Variants in ZNF404 observed in about 807,000 individuals in gnomAD.
ZNF404 encodes the protein zinc finger protein 404.
Under a neutral mutation model 7.3 loss-of-function variants are expected in ZNF404, and 7 were observed. The observed-to-expected ratio is 0.95, with a 90% CI of 0.54 to 1.79. The LOEUF is 1.79. ZNF404 is among the 40% of genes most tolerant of loss of function. The pLI, the probability that ZNF404 is intolerant of heterozygous loss-of-function variation, is 0.00. For synonymous variants in ZNF404, 191 were observed against 209.9 expected (o/e 0.91, Z 0.78); for missense variants, 560 against 661.5 (o/e 0.85, Z 1.68).
At chr19:43,878,408 C>T (rs371259731) in intron 2 of ZNF404, among the ~76,000 whole-genome samples, 23 of 151,806 alleles carry the variant, frequency 1.5e-4, no homozygotes, top group African/African-American at 3.9e-4. Flanking sequence ...TCATGTCCTT[C>T]GCCCACTTTT....
At position 43,873,081 on chromosome 19, in the gene ZNF404, GTATGA is replaced by G; in HGVS notation, c.1128_1132del (p.His377TrpfsTer2). The G allele has an allele frequency of 6.2e-7, 1 of 1,612,704 alleles. No individual in the cohort carries two copies. The highest frequency in any genetic ancestry group is 1.1e-5 in the South Asian group (1 of 91,010). ...TTTACATTCATGTGGCTTCTCACCA[GTATGA>G]ATTCTCTGATGCTGTGTAAGTTGAG... On this transcript the variant is annotated frameshift_variant, in exon 3 of 3. Coordinates refer to ENST00000587539, the MANE Select transcript of ZNF404 (RefSeq NM_001033719.3). LOFTEE classifies it low-confidence loss of function (END_TRUNC).
chr19:43,877,296 A>C (rs1273140728), intron 2 of ZNF404, among the ~76,000 whole-genome samples: 1 of 152,162 alleles, frequency 6.6e-6, no homozygotes, highest in Non-Finnish European at 1.5e-5. Context: ...AAATAGAAAA[A>C]AAATTTAAAA....
intron 1 of ZNF404, among the ~76,000 whole-genome samples, chr19:43,880,526 AC>A (rs1971887328): frequency 6.6e-6 from 1 of 151,936 alleles, no homozygotes. Context: ...ATTGATAACT[AC>A]CCCCTCCCCC....
chr19:43,883,092 C>T (rs553908448), intron 1 of ZNF404, among the ~76,000 whole-genome samples: 1 of 151,864 alleles, frequency 6.6e-6, no homozygotes, highest in South Asian at 2.1e-4. Flanking sequence ...CAGAGTGAGA[C>T]TCCATCTCAA....
rs763596574 is a variant in ZNF404 at position 43,880,095 on chromosome 19, C to T, written c.51G>A (p.Gln17=). 3.7e-6 allele frequency: 6 copies of T among 1,613,428 alleles called. No homozygotes were observed. The highest frequency in any genetic ancestry group is 3.3e-5 in the Admixed American group (2 of 59,958). Residue 17 remains glutamine, a synonymous_variant, in exon 2 of 3, where the codon CAG becomes CAA. Coordinates refer to ENST00000587539, the MANE Select transcript of ZNF404 (RefSeq NM_001033719.3). ...TFSDVAIDFS[Q]EEWEYLNSDQ... ...CCGAGTTTAAATATTCCCACTCCTCCTGAGAGAAGTCTATGGCAACATCGC... is the reference window on the plus strand; with the variant it reads ...CCGAGTTTAAATATTCCCACTCCTCTTGAGAGAAGTCTATGGCAACATCGC...
In ZNF404 at chr19:43,873,619, A is replaced by G; in HGVS notation, c.595T>C (p.Tyr199His). Residue 199 changes from tyrosine (Y) to histidine (H), a missense_variant, in exon 3 of 3, where the codon TAT becomes CAT. By Grantham distance (83) the Tyr-to-His change is moderately conservative. Coordinates refer to ENST00000587539, the MANE Select transcript of ZNF404 (RefSeq NM_001033719.3). ...ATCTGATGCTGAATAAGCTGTGAAT[A>G]AAACCTAAAGGCCTTCTCACATCCA... Reference protein sequence around the residue: ...CNGCEKAFRFYSQLIQHQIIH... With the variant: ...CNGCEKAFRFHSQLIQHQIIH... The G allele has an allele frequency of 6.2e-7, 1 of 1,613,524 alleles. No individual in the cohort carries two copies. The highest frequency in any genetic ancestry group is 8.5e-7 in the Non-Finnish European group (1 of 1,179,656).
chr19:43,876,820 G>A (rs1441583957), intron 2 of ZNF404, among the ~76,000 whole-genome samples: 1 of 152,134 alleles, frequency 6.6e-6, no homozygotes, highest in Non-Finnish European at 1.5e-5. Context: ...CTTCCCCAAA[G>A]CCGATAATCC....
Position 43,873,354 on chromosome 19 carries a change from T to C in ZNF404, c.860A>G (p.Tyr287Cys), listed in dbSNP as rs2146616704. The change falls in exon 3 of 3, where the codon TAC (tyrosine) becomes TGC (cysteine). Residue 287 changes from tyrosine (Y) to cysteine (C), a missense_variant. By Grantham distance (194) the Tyr-to-Cys change is radical. Coordinates refer to ENST00000587539, the MANE Select transcript of ZNF404 (RefSeq NM_001033719.3). ...ACCAGAATGAATTTTCTTATGTTGG[T>C]AAAGACTTGAACGATGACCAAAAGC... is the stretch of plus-strand genomic sequence containing the variant. The part of the protein sequence containing the change: ...GKAFGHRSSL[Y>C]QHKKIHSGEK... 1 of 1,613,156 alleles carries C rather than the reference T, an allele frequency of 6.2e-7. No homozygotes were observed. Among genetic ancestry groups the C allele is most frequent in the Non-Finnish European group, 8.5e-7 (1 of 1,179,492 alleles).
At chr19:43,881,326 A>G (rs1191460519) in intron 1 of ZNF404, among the ~76,000 whole-genome samples, 5 of 152,248 alleles carry the variant, frequency 3.3e-5, no homozygotes, top group Non-Finnish European at 7.3e-5. Context: ...TTGTCTATAT[A>G]GAAAATCTAA....
intron 2 of ZNF404, among the ~76,000 whole-genome samples, chr19:43,875,791 A>G (rs911690085): frequency 2.0e-5 from 3 of 152,210 alleles, no homozygotes; most frequent in African/African-American, 7.2e-5. Flanking sequence ...TAGCAATATC[A>G]AACAGCCAAA....
chr19:43,874,810 T>G (rs1304723544), intron 2 of ZNF404, among the ~76,000 whole-genome samples: 1 of 152,222 alleles, frequency 6.6e-6, no homozygotes, highest in East Asian at 1.9e-4. Flanking sequence ...TTACTACTTA[T>G]TTTGTTACCC....
chr19:43,882,774 G>C (rs1451194161), intron 1 of ZNF404, among the ~76,000 whole-genome samples: 9 of 145,966 alleles, frequency 6.2e-5, no homozygotes, highest in Non-Finnish European at 1.3e-4. Context: ...TTGGGCAAGA[G>C]AGCAAGACCC....
In ZNF404 at chr19:43,873,137, A is replaced by G. The variant is rs764771639; in HGVS notation, c.1077T>C (p.Asp359=). The change falls in exon 3 of 3, where the codon GAT becomes GAC. Residue 359 remains aspartate, a synonymous_variant. Coordinates refer to ENST00000587539, the MANE Select transcript of ZNF404 (RefSeq NM_001033719.3). ...AGCCTCTACAAAAGGCCTTTCCACA[A>G]TCCTTACAATCATAGAGTTTCTCAC... The part of the protein sequence containing the change: ...HSSEKLYDCK[D]CGKAFCRGSQ... 4.3e-6 allele frequency: 7 copies of G among 1,613,302 alleles called. No individual in the cohort carries two copies. Among genetic ancestry groups the G allele is most frequent in the South Asian group, 1.1e-5 (1 of 91,040 alleles).
At chr19:43,879,807 G>A (rs1218845042) in intron 2 of ZNF404, among the ~76,000 whole-genome samples, 1 of 152,166 alleles carries the variant, frequency 6.6e-6, no homozygotes, top group African/African-American at 2.4e-5. Flanking sequence ...AAAGGCAAGT[G>A]AAGAATAGTG....
Position 43,872,729 on chromosome 19 carries a change from A to G in ZNF404, c.1485T>C (p.Tyr495=), listed in dbSNP as rs768080549. ...HKRIHTGEKP[Y]ECKECDKAFN... is the part of the protein sequence containing the mutation. ...AGGCCTTATCACATTCTTTACATTC[A>G]TAGGGTTTTTCACCAGTATGAATTC... Residue 495 remains tyrosine (Y), a synonymous_variant, in exon 3 of 3, where the codon TAT becomes TAC. Transcript: ENST00000587539. The surrounding 1 kb of genome is among the most constrained non-coding windows in gnomAD (Gnocchi z 4.4). 1.3e-5 allele frequency: 21 copies of G among 1,613,276 alleles called. No homozygotes were observed. The highest frequency in any genetic ancestry group is 2.2e-5 in the South Asian group (2 of 91,004).
intron 1 of ZNF404, among the ~76,000 whole-genome samples, chr19:43,882,572 TA>T (rs1291536322): frequency 6.6e-6 from 1 of 152,122 alleles, no homozygotes; most frequent in South Asian, 2.1e-4. Context: ...GGTGGGAATG[TA>T]AAATGGTATT....
chr19:43,874,173 T>C, intron 2 of ZNF404, 96 bp from the exon 3 acceptor site: 1 of 870,906 alleles, frequency 1.1e-6, no homozygotes, highest in Non-Finnish European at 1.7e-6. Context: ...CTAAAAAGTG[T>C]ATCTGTTAGT....
rs149475194 is a variant in ZNF404, at chr19:43,878,537, G to C, written c.136+1473C>G. Among the ~76,000 whole-genome samples the C allele has an allele frequency of 8.2e-3, 1,240 of 152,146 alleles. 17 individuals carry two copies. The highest frequency in any genetic ancestry group is 0.029 in the African/African-American group (1,188 of 41,486). ...TTTTCTCCCATTTTGTAGGTTGCCTGTTCACTCTGATGGAACTACCCTGGA... is the reference window on the plus strand; with the variant it reads ...TTTTCTCCCATTTTGTAGGTTGCCTCTTCACTCTGATGGAACTACCCTGGA... On this transcript the variant is annotated intron_variant, in intron 2 of 2. Transcript: ENST00000587539.
At chr19:43,874,716 T>C (rs181447529) in intron 2 of ZNF404, among the ~76,000 whole-genome samples, 161 of 152,268 alleles carry the variant, frequency 1.1e-3, no homozygotes, top group African/African-American at 3.7e-3. Flanking sequence ...AGTAAATTCA[T>C]ATTTTTAAGT....
Sources: gnomAD v4.1 joint callset for allele counts (sites outside exome capture counted in the v4.1 genomes callset) on GRCh38, gnomAD v4.1.1 for gene constraint, Gnocchi (gnomAD v3.1) non-coding constraint, MANE v1.5 for transcripts, NCBI Gene and HGNC (gene_info 2026-07-23, HGNC 2026-07-21) for gene names.